PKD1L1: variants seen among roughly 807,000 people sequenced by gnomAD.
PKD1L1 encodes polycystin-1-like protein 1.
PKD1L1 carries 236 observed loss-of-function variants against 323.4 expected under a neutral mutation model. That is an observed-to-expected ratio of 0.73 (90% CI 0.66 to 0.81). PKD1L1 has a LOEUF of 0.81. Among genes scored for constraint, PKD1L1 ranks in the 40% least tolerant of loss-of-function variants. PKD1L1 has a pLI of 0.00. For missense variants in PKD1L1, 3,320 were observed against 3,508.0 expected, an observed-to-expected ratio of 0.95 and a Z score of 1.35; for synonymous variants, 1,344 against 1,335.0, an observed-to-expected ratio of 1.01 and a Z score of -0.15.
chr7:47,830,094 C>A lies in PKD1L1; in HGVS notation c.6504G>T (p.Leu2168=). 6.2e-7 allele frequency: 1 copy of A among 1,614,160 alleles called. No individual in the cohort carries two copies. Among genetic ancestry groups the A allele is most frequent in the South Asian group, 1.1e-5 (1 of 91,058 alleles). Residue 2168 remains leucine, a synonymous_variant, in exon 43 of 57, where the codon CTG becomes CTT. Coordinates refer to ENST00000289672, the MANE Select transcript of PKD1L1 (RefSeq NM_138295.5). Reference sequence around the variant, plus strand: ...AGACCACGGAGAGGGACAGCAGGTGCAGCCACTGCACACATTGCTCCTGGC... The same window carrying A: ...AGACCACGGAGAGGGACAGCAGGTGAAGCCACTGCACACATTGCTCCTGGC... The part of the protein sequence containing the change: ...RFGQEQCVQW[L]HLLSLSVVCC...
Position 47,885,678 on chromosome 7 carries a change from G to T in PKD1L1, c.3205+8C>A. On this transcript the variant is annotated splice_region_variant and intron_variant, in intron 18 of 56. Coordinates refer to ENST00000289672, the MANE Select transcript of PKD1L1 (RefSeq NM_138295.5). ...AGAGGGATGACATGCAGGAACAGTGGCACTTACCAGAGAGGTGAGGGTCAG... is the reference window on the plus strand; with the variant it reads ...AGAGGGATGACATGCAGGAACAGTGTCACTTACCAGAGAGGTGAGGGTCAG... 1 of 1,606,336 alleles carries T rather than the reference G, an allele frequency of 6.2e-7. No individual in the cohort carries two copies. Among genetic ancestry groups the T allele is most frequent in the East Asian group, 2.2e-5 (1 of 44,782 alleles).
chr7:47,859,036 T>C (rs993880166), intron 26 of PKD1L1, 151 bp from the exon 27 acceptor site: 2 of 1,020,176 alleles, frequency 2.0e-6, no homozygotes, highest in African/African-American at 3.3e-5. Flanking sequence ...ATGCATATAT[T>C]CTTGCCTTTT....
chr7:47,811,901 C>T lies in PKD1L1; in HGVS notation c.7497G>A (p.Gly2499=). The change falls in exon 50 of 57, where the codon GGG becomes GGA. Residue 2499 remains glycine (G), a synonymous_variant. Transcript: ENST00000289672. The part of the protein sequence containing the change: ...VSLRVEILPT[G]SLVPSSLVES... ...CCACCAGGGATGAGGGGACGAGACT[C>T]CCCGTAGGGAGGATCTCCACTCTCA... 1 of 1,610,512 alleles carries T rather than the reference C, an allele frequency of 6.2e-7. No homozygotes were observed. The highest frequency in any genetic ancestry group is 1.1e-5 in the South Asian group (1 of 89,952).
intron 26 of PKD1L1, among the ~76,000 whole-genome samples, chr7:47,862,019 A>G (rs1023742282): frequency 2.0e-5 from 3 of 151,854 alleles, no homozygotes; most frequent in Admixed American, 2.0e-4. Context: ...ACAAGGTGAA[A>G]CCCTGTCTCT....
At chr7:47,784,066 C>T (rs1005506263) in intron 56 of PKD1L1, among the ~76,000 whole-genome samples, 5 of 152,188 alleles carry the variant, frequency 3.3e-5, no homozygotes, top group Non-Finnish European at 7.3e-5. Context: ...CATTCTAGCA[C>T]ACATCTAAAT....
At chr7:47,776,655 T>G (rs1190533162) in intron 56 of PKD1L1, among the ~76,000 whole-genome samples, 1 of 152,226 alleles carries the variant, frequency 6.6e-6, no homozygotes, top group African/African-American at 2.4e-5. Context: ...GGGAGGTAGG[T>G]TGAACATAAG....
chr7:47,838,615 C>G (rs1785503471), intron 36 of PKD1L1, among the ~76,000 whole-genome samples: 1 of 152,040 alleles, frequency 6.6e-6, no homozygotes, highest in Admixed American at 6.5e-5. Context: ...TGTGTTGGCT[C>G]ATGCCTGTAA....
At chr7:47,795,879 T>C in intron 55 of PKD1L1, 110 bp downstream of exon 55, 1 of 1,304,202 alleles carries the variant, frequency 7.7e-7, no homozygotes, top group Non-Finnish European at 1.1e-6. Context: ...CAAGGAGATT[T>C]GGCATGGAAA....
At chr7:47,813,898 T>C (rs1584961997) in intron 48 of PKD1L1, 33 bp downstream of exon 48, 2 of 1,577,704 alleles carry the variant, frequency 1.3e-6, no homozygotes, top group South Asian at 1.1e-5. Context: ...ATTCCATTTA[T>C]TCTTGGAAGC....
chr7:47,873,991 G>A lies in PKD1L1; in HGVS notation c.3804C>T (p.Ile1268=). Residue 1268 remains isoleucine, a synonymous_variant, in exon 24 of 57, where the codon ATC becomes ATT. Transcript: ENST00000289672. ...GGACCTTGGAGCCTTTGCCATCTGTGATTTCAGTGGAAACCATGACTGTGA... is the reference window on the plus strand; with the variant it reads ...GGACCTTGGAGCCTTTGCCATCTGTAATTTCAGTGGAAACCATGACTGTGA... ...DNYKVMVSTE[I]TDGKGSKVQP... 1.2e-6 allele frequency: 2 copies of A among 1,612,038 alleles called. No individual in the cohort carries two copies. Among genetic ancestry groups the A allele is most frequent in the Non-Finnish European group, 1.7e-6 (2 of 1,178,340 alleles).
At chr7:47,812,719 G>A (rs968801101) in intron 49 of PKD1L1, among the ~76,000 whole-genome samples, 4 of 152,126 alleles carry the variant, frequency 2.6e-5, no homozygotes, top group Non-Finnish European at 2.9e-5. Flanking sequence ...TGCTTGTTAC[G>A]CACTTGAACC....
intron 41 of PKD1L1, among the ~76,000 whole-genome samples, chr7:47,831,642 C>A (rs545425829): frequency 6.6e-6 from 1 of 152,154 alleles, no homozygotes; most frequent in East Asian, 1.9e-4. Flanking sequence ...AACTCCTGCC[C>A]GACTGCTGAG....
chr7:47,784,271 CT>C (rs1464618515), intron 56 of PKD1L1, among the ~76,000 whole-genome samples: 1 of 152,182 alleles, frequency 6.6e-6, no homozygotes, highest in Non-Finnish European at 1.5e-5. Flanking sequence ...GTTATTCCCA[CT>C]TCCAATATAT....
Position 47,904,375 on chromosome 7 carries a change from C to T in PKD1L1, c.1931+3G>A. ...AGCACTCCGCCGCCTTGCAGTGGCTCACCTACTGTAGACATGGCTGCTGGA... is the reference window on the plus strand; with the variant it reads ...AGCACTCCGCCGCCTTGCAGTGGCTTACCTACTGTAGACATGGCTGCTGGA... On this transcript the variant is annotated splice_donor_region_variant and intron_variant, in intron 12 of 56. Transcript: ENST00000289672. 6.2e-7 allele frequency: 1 copy of T among 1,614,020 alleles called. No homozygotes were observed. The highest frequency in any genetic ancestry group is 8.5e-7 in the Non-Finnish European group (1 of 1,179,988).
chr7:47,937,673 G>A lies in PKD1L1; in HGVS notation c.286-715C>T, dbSNP rs1787897906. The stretch of plus-strand genomic sequence containing the variant: ...AGGTCTTGATTGTGGAGTGAAGGCA[G>A]AGGGTGAACACCTCTGAGGCTATGG... On this transcript the variant is annotated intron_variant, in intron 3 of 56. Coordinates refer to ENST00000289672, the MANE Select transcript of PKD1L1 (RefSeq NM_138295.5). Among the ~76,000 whole-genome samples the A allele has an allele frequency of 4.6e-5, 7 of 152,292 alleles. 1 individual carries two copies. The South Asian group carries it at 1.5e-3, about 32-fold the overall frequency.
At chr7:47,820,132 G>A (rs1212462836) in intron 46 of PKD1L1, among the ~76,000 whole-genome samples, 1 of 152,162 alleles carries the variant, frequency 6.6e-6, no homozygotes, top group Non-Finnish European at 1.5e-5. Flanking sequence ...TTTGTGGCAG[G>A]TGAAAATAAA....
chr7:47,796,549 C>G (rs980921623), intron 54 of PKD1L1, among the ~76,000 whole-genome samples: 1 of 152,160 alleles, frequency 6.6e-6, no homozygotes, highest in Non-Finnish European at 1.5e-5. Flanking sequence ...CAGAAAGGGT[C>G]TTGGGCTCAG....
rs571497815 is a variant in PKD1L1, at chr7:47,809,534, A to G, written c.7625T>C (p.Leu2542Pro). ...GACGCCCTTGTCCATCATACGGTAG[A>G]GTTGAACACAGAGGTGGATCAGGCT... ...ALSLIHLCVQLYRMMDKGVLS... is the reference protein window; with the variant it reads ...ALSLIHLCVQPYRMMDKGVLS... Residue 2542 changes from leucine to proline, a missense_variant, in exon 51 of 57, where the codon CTC becomes CCC. Physicochemically the swap from Leu to Pro is moderately conservative, Grantham distance 98. Coordinates refer to ENST00000289672, the MANE Select transcript of PKD1L1 (RefSeq NM_138295.5). The G allele has an allele frequency of 2.4e-5, 38 of 1,609,292 alleles. No homozygotes were observed. The South Asian group carries it at 3.8e-4, about 16-fold the overall frequency.
At chr7:47,941,940 CTTAA>C (rs1163032255) in intron 2 of PKD1L1, among the ~76,000 whole-genome samples, 1 of 152,184 alleles carries the variant, frequency 6.6e-6, no homozygotes, top group Admixed American at 6.5e-5. Context: ...CTGAAATTGG[CTTAA>C]TTGTCCCACA....
Sources: allele counts gnomAD v4.1 joint callset (sites outside exome capture counted in the v4.1 genomes callset), GRCh38; gene constraint gnomAD v4.1.1; transcripts MANE v1.5; gene names NCBI Gene and HGNC (gene_info 2026-07-23, HGNC 2026-07-21).